Variants in SCAMP1 observed in about 807,000 individuals in gnomAD.
SCAMP1 encodes the protein secretory carrier membrane protein 1.
SCAMP1 carries 15 observed loss-of-function variants against 41.8 expected under a neutral mutation model. The observed-to-expected ratio is 0.36, with a 90% confidence interval of 0.24 to 0.55. SCAMP1 has a LOEUF of 0.55. Ranked by LOEUF, SCAMP1 falls within the 20% of genes least tolerant of loss-of-function variation. The pLI is 0.86. For missense variants in SCAMP1, 341 were observed against 412.6 expected (o/e 0.83, Z 1.50); for synonymous variants, 135 against 136.8 (o/e 0.99, Z 0.09).
intron 8 of SCAMP1, among the ~76,000 whole-genome samples, chr5:78,469,591 A>G (rs1488187575): frequency 6.6e-6 from 1 of 151,978 alleles, no homozygotes; most frequent in Non-Finnish European, 1.5e-5. Context: ...TTATTATCTT[A>G]GGCATCTTCA....
chr5:78,364,079 C>T (rs1750734625), intron 1 of SCAMP1, among the ~76,000 whole-genome samples: 1 of 152,126 alleles, frequency 6.6e-6, no homozygotes, highest in African/African-American at 2.4e-5. Context: ...TGCTGTATGT[C>T]CTTTGTTTTC....
At chr5:78,415,250 G>A (rs1752182093) in intron 2 of SCAMP1, among the ~76,000 whole-genome samples, 1 of 152,150 alleles carries the variant, frequency 6.6e-6, no homozygotes, top group South Asian at 2.1e-4. Context: ...ACCATGCCTG[G>A]CCTCTATTAA....
intron 6 of SCAMP1, among the ~76,000 whole-genome samples, chr5:78,424,173 G>C (rs1027991993): frequency 6.6e-6 from 1 of 151,988 alleles, no homozygotes; most frequent in East Asian, 1.9e-4. Flanking sequence ...ACTGCGCCCA[G>C]CCTCGAGAGG....
intron 6 of SCAMP1, among the ~76,000 whole-genome samples, chr5:78,445,510 A>G (rs544497921): frequency 2.3e-4 from 35 of 152,322 alleles, no homozygotes; most frequent in African/African-American, 7.5e-4. Flanking sequence ...TTTTAAATCT[A>G]TATTTCTGTT....
At chr5:78,462,196 A>AGTGTGTGT (rs58331355) in intron 8 of SCAMP1, among the ~76,000 whole-genome samples, 1,945 of 147,964 alleles carry the variant, frequency 0.013, 16 homozygotes, top group East Asian at 0.031. Flanking sequence ...TGTGTGTAGG[A>AGTGTGTGT]GTGTGTGTGT....
intron 2 of SCAMP1, among the ~76,000 whole-genome samples, chr5:78,413,545 G>A (rs974100727): frequency 2.0e-5 from 3 of 151,652 alleles, no homozygotes; most frequent in Non-Finnish European, 2.9e-5. Flanking sequence ...AGCCTCTCCA[G>A]TAGCTGGGAC....
chr5:78,372,147 T>C (rs1480487032), intron 1 of SCAMP1, among the ~76,000 whole-genome samples: 2 of 152,224 alleles, frequency 1.3e-5, no homozygotes, highest in Non-Finnish European at 2.9e-5. Flanking sequence ...GGCTGTGTTA[T>C]ATACATGCTA....
At chr5:78,440,794 C>G (rs1460999868) in intron 6 of SCAMP1, among the ~76,000 whole-genome samples, 2 of 152,186 alleles carry the variant, frequency 1.3e-5, no homozygotes, top group African/African-American at 4.8e-5. Flanking sequence ...TCAGCTATGC[C>G]CTGCCCCCAG....
chr5:78,457,904 C>T (rs529097745), intron 7 of SCAMP1: 22 of 153,878 alleles, frequency 1.4e-4, no homozygotes, highest in Non-Finnish European at 2.3e-4. Flanking sequence ...ATTTTTTAAG[C>T]CGGTCCGAAA....
intron 6 of SCAMP1, among the ~76,000 whole-genome samples, chr5:78,432,032 C>T (rs1433649389): frequency 1.3e-5 from 2 of 151,984 alleles, no homozygotes; most frequent in African/African-American, 2.4e-5. Flanking sequence ...GTCACCCTGT[C>T]GTGCTATCAA....
chr5:78,366,422 G>A (rs934556698), intron 1 of SCAMP1, among the ~76,000 whole-genome samples: 1 of 152,150 alleles, frequency 6.6e-6, no homozygotes, highest in Non-Finnish European at 1.5e-5. Context: ...GGGATTACAG[G>A]TGTATGCCAC....
chr5:78,427,925 T>C (rs1282051238), intron 6 of SCAMP1, among the ~76,000 whole-genome samples: 1 of 152,192 alleles, frequency 6.6e-6, no homozygotes, highest in African/African-American at 2.4e-5. Context: ...TATTTTGTTG[T>C]AAGAGTTCTG....
At chr5:78,396,497 A>G (rs1751654803) in intron 2 of SCAMP1, among the ~76,000 whole-genome samples, 1 of 152,178 alleles carries the variant, frequency 6.6e-6, no homozygotes, top group Non-Finnish European at 1.5e-5. Flanking sequence ...TGGATTTGCA[A>G]TTTCCAAGAC....
intron 7 of SCAMP1, 87 bp downstream of exon 7, chr5:78,450,121 C>T (rs1440301040): frequency 7.1e-6 from 5 of 704,442 alleles, no homozygotes; most frequent in South Asian, 1.9e-5. Context: ...CACAGATAAA[C>T]CAGATTAGAA....
At chr5:78,445,065 C>A (rs144967591) in intron 6 of SCAMP1, among the ~76,000 whole-genome samples, 3 of 152,302 alleles carry the variant, frequency 2.0e-5, no homozygotes, top group East Asian at 1.9e-4. Context: ...TGTGTCCCCC[C>A]ATCTTAGCCC....
chr5:78,447,539 T>C (rs1240255045), intron 6 of SCAMP1, among the ~76,000 whole-genome samples: 1 of 152,038 alleles, frequency 6.6e-6, no homozygotes, highest in Non-Finnish European at 1.5e-5. Context: ...GCTAGAACAA[T>C]TGGATAACCA....
At chr5:78,401,002 A>G (rs1751784664) in intron 2 of SCAMP1, among the ~76,000 whole-genome samples, 1 of 152,140 alleles carries the variant, frequency 6.6e-6, no homozygotes, top group Non-Finnish European at 1.5e-5. Context: ...TATCAAATTG[A>G]GGAAGTTCCC....
At chr5:78,455,920 T>A (rs1179382118) in intron 7 of SCAMP1, among the ~76,000 whole-genome samples, 2 of 41,098 alleles carry the variant, frequency 4.9e-5, no homozygotes, top group Non-Finnish European at 8.5e-5. Flanking sequence ...GTTGAATTGA[T>A]CCCTTTACCA....
chr5:78,466,819 A>G (rs531796018), intron 8 of SCAMP1, among the ~76,000 whole-genome samples: 1 of 152,142 alleles, frequency 6.6e-6, no homozygotes, highest in Non-Finnish European at 1.5e-5. Flanking sequence ...GTACTTGGAA[A>G]CACTTAGGAG....
Sources: gnomAD v4.1 joint callset for allele counts (sites outside exome capture counted in the v4.1 genomes callset) on GRCh38, gnomAD v4.1.1 for gene constraint, MANE v1.5 for transcripts, NCBI Gene and HGNC (gene_info 2026-07-23, HGNC 2026-07-21) for gene names.